Variants in EPM2A observed in about 807,000 individuals in gnomAD.
The protein encoded by EPM2A is laforin.
In EPM2A, 21 loss-of-function variants were observed where a neutral mutation model predicts 26.5. The ratio of observed to expected loss-of-function variants is 0.79; its 90% CI spans 0.56 to 1.14. EPM2A has a LOEUF of 1.14. Ranked by LOEUF, EPM2A falls within the 50% of genes most tolerant of loss-of-function variation. The pLI, the probability that EPM2A is intolerant of heterozygous loss-of-function variation, is 0.00. For missense variants in EPM2A, 458 were observed against 440.8 expected (o/e 1.04, Z -0.35); for synonymous variants, 217 against 177.6 (o/e 1.22, Z -1.76).
intron 2 of EPM2A, among the ~76,000 whole-genome samples, chr6:145,594,399 C>T (rs997951674): frequency 1.3e-5 from 2 of 151,738 alleles, no homozygotes; most frequent in African/African-American, 4.8e-5. Context: ...ATACTAATTT[C>T]CCATAACGTC....
chr6:145,491,020 C>A, intron 4 of EPM2A: 1 of 910,694 alleles, frequency 1.1e-6, no homozygotes, highest in South Asian at 1.3e-5. Flanking sequence ...TCAGCAATCT[C>A]TACCTCAATT....
intron 4 of EPM2A, among the ~76,000 whole-genome samples, chr6:145,449,558 C>T (rs1779170480): frequency 6.6e-6 from 1 of 152,154 alleles, no homozygotes; most frequent in Non-Finnish European, 1.5e-5. Context: ...AAATAGCAAG[C>T]CCCCGCACAA....
At chr6:145,469,062 G>T (rs1330603520) in intron 4 of EPM2A, among the ~76,000 whole-genome samples, 1 of 152,070 alleles carries the variant, frequency 6.6e-6, no homozygotes, top group Non-Finnish European at 1.5e-5. Context: ...AAAGAAAGAG[G>T]TTTAATTGAC....
intron 4 of EPM2A, among the ~76,000 whole-genome samples, chr6:145,469,700 T>C (rs1470018305): frequency 1.3e-5 from 2 of 152,146 alleles, no homozygotes; most frequent in Admixed American, 6.6e-5. Context: ...AATCAGTATA[T>C]TGAAGAGATG....
chr6:145,434,435 T>C (rs1180773756), intron 4 of EPM2A, among the ~76,000 whole-genome samples: 1 of 152,096 alleles, frequency 6.6e-6, no homozygotes, highest in Admixed American at 6.6e-5. Context: ...TCTTAGACAA[T>C]GAGTTCTTGT....
chr6:145,563,452 C>T (rs960988511), intron 2 of EPM2A, among the ~76,000 whole-genome samples: 2 of 151,714 alleles, frequency 1.3e-5, no homozygotes, highest in Non-Finnish European at 2.9e-5. Context: ...ATCTGGCAAG[C>T]AGAGGAAGAT....
intron 4 of EPM2A, among the ~76,000 whole-genome samples, chr6:145,409,452 C>T (rs1286218571): frequency 6.6e-6 from 1 of 152,116 alleles, no homozygotes; most frequent in Non-Finnish European, 1.5e-5. Flanking sequence ...TAATTCCACA[C>T]TCAGTATCTA....
intron 1 of EPM2A, among the ~76,000 whole-genome samples, chr6:145,705,354 T>C (rs1782160710): frequency 6.6e-6 from 1 of 152,118 alleles, no homozygotes; most frequent in Non-Finnish European, 1.5e-5. Context: ...TATATAGATA[T>C]ATATAGAGAT....
intron 1 of EPM2A, among the ~76,000 whole-genome samples, chr6:145,710,281 AAAC>A (rs1467172344): frequency 1.3e-5 from 2 of 152,176 alleles, no homozygotes; most frequent in African/African-American, 2.4e-5. Context: ...GAAAAAAAAC[AAAC>A]AACCCCATCA....
At chr6:145,472,360 C>T (rs1250568827) in intron 4 of EPM2A, among the ~76,000 whole-genome samples, 3 of 151,846 alleles carry the variant, frequency 2.0e-5, no homozygotes, top group Non-Finnish European at 4.4e-5. Flanking sequence ...TGGGGCAAAA[C>T]TCCTTCTCTC....
intron 1 of EPM2A, among the ~76,000 whole-genome samples, chr6:145,701,120 C>A (rs539161604): frequency 3.9e-5 from 6 of 152,068 alleles, no homozygotes; most frequent in Non-Finnish European, 5.9e-5. Context: ...TAAAAGAGGG[C>A]GTAATCCTGG....
At chr6:145,595,140 A>G (rs1781325523) in intron 2 of EPM2A, among the ~76,000 whole-genome samples, 1 of 151,958 alleles carries the variant, frequency 6.6e-6, no homozygotes, top group African/African-American at 2.4e-5. Flanking sequence ...TCTTGGAACT[A>G]TAATTTGTCT....
At chr6:145,599,562 G>A (rs1017727053) in intron 2 of EPM2A, among the ~76,000 whole-genome samples, 6 of 151,076 alleles carry the variant, frequency 4.0e-5, no homozygotes, top group African/African-American at 1.5e-4. Flanking sequence ...CTTCTTTTTG[G>A]GTGGATACAA....
At chr6:145,419,926 G>A (rs1294152649) in intron 4 of EPM2A, among the ~76,000 whole-genome samples, 1 of 152,012 alleles carries the variant, frequency 6.6e-6, no homozygotes, top group Non-Finnish European at 1.5e-5. Flanking sequence ...ATATTTTAAA[G>A]AAATATTGAA....
intron 2 of EPM2A, among the ~76,000 whole-genome samples, chr6:145,594,964 T>C (rs973691580): frequency 4.6e-5 from 7 of 151,868 alleles, no homozygotes; most frequent in African/African-American, 1.7e-4. Context: ...GATGTTTTTG[T>C]CCCAATTTTT....
intron 4 of EPM2A, among the ~76,000 whole-genome samples, chr6:145,430,561 A>C (rs1433077385): frequency 2.0e-5 from 3 of 151,826 alleles, no homozygotes; most frequent in Non-Finnish European, 4.4e-5. Context: ...AGATGGCACC[A>C]CTGCACTCCA....
At chr6:145,573,350 G>C (rs1170111510) in intron 2 of EPM2A, among the ~76,000 whole-genome samples, 1 of 152,228 alleles carries the variant, frequency 6.6e-6, no homozygotes, top group Admixed American at 6.5e-5. Context: ...AGAGAAAAAG[G>C]CATTTGCCAA....
Position 145,735,284 on chromosome 6 carries a change from G to GCCGCCTCCTCGGCCGCCAGCT in EPM2A, c.194_214dup (p.Glu65_Ala71dup). 6.7e-7 allele frequency: 1 copy of GCCGCCTCCTCGGCCGCCAGCT among 1,485,820 alleles called. No individual in the cohort carries two copies. The highest frequency in any genetic ancestry group is 9.0e-7 in the Non-Finnish European group (1 of 1,114,938). The allele number at this position is 1,485,820 out of a possible 1,614,324, so 92.0% of individuals were successfully genotyped here. A position where few individuals can be genotyped will look rare whatever the true frequency, so the allele number is the denominator to read the frequency against. On this transcript the variant is annotated inframe_insertion, in exon 1 of 4. Transcript: ENST00000367519. ...GCGGCCCGGCTCCGCCCCGTCCTGC[G>GCCGCCTCCTCGGCCGCCAGCT]CCGCCTCCTCGGCCGCCAGCTCCAC...
intron 1 of EPM2A, among the ~76,000 whole-genome samples, chr6:145,690,702 A>T (rs1419582404): frequency 6.6e-6 from 1 of 152,064 alleles, no homozygotes; most frequent in African/African-American, 2.4e-5. Flanking sequence ...TTATGTGATA[A>T]TTATGTGATA....
Sources: gnomAD v4.1 joint callset for allele counts (sites outside exome capture counted in the v4.1 genomes callset) on GRCh38, gnomAD v4.1.1 for gene constraint, MANE v1.5 for transcripts, NCBI Gene and HGNC (gene_info 2026-07-23, HGNC 2026-07-21) for gene names.